The following EYS variants were observed in gnomAD, a reference collection of about 807,000 sequenced individuals.
EYS encodes EGF-like photoreceptor maintenance factor.
EYS carries 250 observed loss-of-function variants against 282.1 expected under a neutral mutation model. That is an observed-to-expected ratio of 0.89 (90% CI 0.80 to 0.98). EYS has a LOEUF of 0.98. Ranked by LOEUF, EYS falls within the 50% of genes least tolerant of loss-of-function variation. The pLI, the probability that EYS is intolerant of heterozygous loss-of-function variation, is 0.00. For synonymous variants in EYS, 1,355 were observed against 1,282.9 expected, an observed-to-expected ratio of 1.06 and a Z score of -1.20; for missense variants, 4,016 against 3,709.0, an observed-to-expected ratio of 1.08 and a Z score of -2.15.
intron 41 of EYS, among the ~76,000 whole-genome samples, chr6:63,748,111 G>A (rs1005092527): frequency 6.6e-6 from 1 of 152,090 alleles, no homozygotes; most frequent in African/African-American, 2.4e-5. Flanking sequence ...CACATTTAGT[G>A]CTTCCTTCAG....
chr6:64,529,730 T>C (rs2150530816), intron 26 of EYS, among the ~76,000 whole-genome samples: 1 of 152,080 alleles, frequency 6.6e-6, no homozygotes, highest in South Asian at 2.1e-4. Context: ...AAAATAAAAT[T>C]TAAGAAAAGG....
chr6:64,734,960 AG>A (rs1772135194), intron 22 of EYS, among the ~76,000 whole-genome samples: 1 of 152,154 alleles, frequency 6.6e-6, no homozygotes, highest in Non-Finnish European at 1.5e-5. Context: ...TATGTTGCAC[AG>A]AGGTATGCTT....
intron 26 of EYS, among the ~76,000 whole-genome samples, chr6:64,514,033 A>G (rs1219185801): frequency 6.6e-6 from 1 of 151,690 alleles, no homozygotes; most frequent in Non-Finnish European, 1.5e-5. Flanking sequence ...AATAATTACG[A>G]TGCCTTTTAA....
chr6:65,640,605 G>A (rs190365792), intron 1 of EYS, among the ~76,000 whole-genome samples: 70 of 152,136 alleles, frequency 4.6e-4, no homozygotes, highest in African/African-American at 1.7e-3. Context: ...TGCTGTTATT[G>A]TTCTTTCTGT....
intron 12 of EYS, among the ~76,000 whole-genome samples, chr6:65,146,516 G>A (rs1764480475): frequency 6.6e-6 from 1 of 151,896 alleles, no homozygotes; most frequent in Admixed American, 6.6e-5. Flanking sequence ...CACCAGGGAT[G>A]ATGGTAAATT....
intron 2 of EYS, among the ~76,000 whole-genome samples, chr6:65,619,077 C>A (rs562295303): frequency 6.6e-6 from 1 of 151,772 alleles, no homozygotes; most frequent in African/African-American, 2.4e-5. Flanking sequence ...TAGTTTTTTC[C>A]AATGCTGTGA....
At chr6:63,928,974 A>G (rs1400009079) in intron 35 of EYS, among the ~76,000 whole-genome samples, 3 of 152,202 alleles carry the variant, frequency 2.0e-5, no homozygotes, top group Admixed American at 6.5e-5. Flanking sequence ...TTTATGATTT[A>G]TACAAATCCA....
chr6:65,162,435 G>C (rs557868309), intron 12 of EYS, among the ~76,000 whole-genome samples: 2 of 151,276 alleles, frequency 1.3e-5, no homozygotes, highest in South Asian at 4.1e-4. Flanking sequence ...TTTTGGGAAG[G>C]TAATTCTCAA....
At chr6:65,590,428 T>C (rs953807143) in intron 2 of EYS, among the ~76,000 whole-genome samples, 2 of 152,124 alleles carry the variant, frequency 1.3e-5, no homozygotes, top group African/African-American at 4.8e-5. Context: ...ATGTAATTAT[T>C]AGGGTAACTA....
intron 28 of EYS, among the ~76,000 whole-genome samples, chr6:64,411,112 G>C (rs1015948409): frequency 6.6e-6 from 1 of 152,036 alleles, no homozygotes; most frequent in Non-Finnish European, 1.5e-5. Flanking sequence ...CTTCCTTAAA[G>C]GGATGTTGAA....
At chr6:65,026,082 T>C (rs1479897665) in intron 13 of EYS, among the ~76,000 whole-genome samples, 1 of 152,230 alleles carries the variant, frequency 6.6e-6, no homozygotes, top group Non-Finnish European at 1.5e-5. Context: ...TATGATCTTC[T>C]AGTAATTCTT....
chr6:64,676,338 C>A (rs368755606), intron 22 of EYS, among the ~76,000 whole-genome samples: 11,900 of 124,476 alleles, frequency 0.096, 598 homozygotes, highest in Non-Finnish European at 0.13. Context: ...ATCTATATAT[C>A]TATATATATA....
intron 2 of EYS, among the ~76,000 whole-genome samples, chr6:65,579,816 T>C (rs1330665069): frequency 1.3e-5 from 2 of 152,186 alleles, no homozygotes; most frequent in African/African-American, 2.4e-5. Flanking sequence ...GAGGGCAAAA[T>C]TCAGTCTGTA....
chr6:65,348,519 T>C (rs1396856596), intron 9 of EYS, among the ~76,000 whole-genome samples: 1 of 151,802 alleles, frequency 6.6e-6, no homozygotes, highest in Non-Finnish European at 1.5e-5. Flanking sequence ...GCATATCTTC[T>C]TTTGAGCCAC....
intron 8 of EYS, among the ~76,000 whole-genome samples, chr6:65,373,243 C>T (rs924656069): frequency 2.6e-5 from 4 of 152,140 alleles, no homozygotes; most frequent in Non-Finnish European, 5.9e-5. Context: ...CTGTCTGTTT[C>T]AATTTATCCC....
intron 14 of EYS, among the ~76,000 whole-genome samples, chr6:64,971,782 T>C (rs1371761760): frequency 6.6e-6 from 1 of 152,124 alleles, no homozygotes; most frequent in African/African-American, 2.4e-5. Context: ...GAAAGGATTG[T>C]CAGTGCTGGA....
chr6:65,466,474 T>C (rs1421470584), intron 5 of EYS, among the ~76,000 whole-genome samples: 1 of 152,056 alleles, frequency 6.6e-6, no homozygotes, highest in East Asian at 1.9e-4. Flanking sequence ...GGACAATGTA[T>C]ATTTCATATG....
At chr6:65,006,665 A>T (rs1254512200) in intron 13 of EYS, among the ~76,000 whole-genome samples, 1 of 152,186 alleles carries the variant, frequency 6.6e-6, no homozygotes, top group Non-Finnish European at 1.5e-5. Context: ...TTACCATACA[A>T]AGGTCCGACC....
At chr6:64,144,245 A>G (rs906088166) in intron 31 of EYS, among the ~76,000 whole-genome samples, 1 of 152,140 alleles carries the variant, frequency 6.6e-6, no homozygotes, top group Non-Finnish European at 1.5e-5. Context: ...GAGACAAATG[A>G]CATTACTTTT....
Sources: gnomAD v4.1 joint callset for allele counts (sites outside exome capture counted in the v4.1 genomes callset) on GRCh38, gnomAD v4.1.1 for gene constraint, MANE v1.5 for transcripts, NCBI Gene and HGNC (gene_info 2026-07-23, HGNC 2026-07-21) for gene names.